Variants in MASP2 observed in about 807,000 individuals in gnomAD.
MASP2 encodes the protein mannan-binding lectin serine protease 2.
In MASP2, 49 loss-of-function variants were observed where a neutral mutation model predicts 57.1. The observed-to-expected ratio is 0.86, with a 90% CI of 0.68 to 1.09. MASP2 has a LOEUF of 1.09. Ranked by LOEUF, MASP2 falls within the 50% of genes least tolerant of loss-of-function variation. The pLI, the probability that MASP2 is intolerant of heterozygous loss-of-function variation, is 0.00. For missense variants in MASP2, 900 were observed against 874.8 expected, an observed-to-expected ratio of 1.03 and a Z score of -0.36; for synonymous variants, 379 against 340.8, an observed-to-expected ratio of 1.11 and a Z score of -1.24.
chr1:11,043,742 G>A (rs1277333383), intron 4 of MASP2, among the ~76,000 whole-genome samples: 5 of 152,102 alleles, frequency 3.3e-5, no homozygotes, highest in African/African-American at 4.8e-5. Context: ...CTGAGGGGCC[G>A]CTTAGAGAGG....
intron 10 of MASP2, chr1:11,029,968 GAATC>G: frequency 2.1e-6 from 1 of 471,836 alleles, no homozygotes; most frequent in Non-Finnish European, 3.7e-6. Flanking sequence ...AGGTCAAAGA[GAATC>G]AAATGACTGA....
At position 11,046,540 on chromosome 1, in the gene MASP2, A is replaced by AC; in HGVS notation, c.412+15dup. 1 of 1,613,538 alleles carries AC rather than the reference A, an allele frequency of 6.2e-7. No homozygotes were observed. The highest frequency in any genetic ancestry group is 8.5e-7 in the Non-Finnish European group (1 of 1,179,944). ...GCTGCGCAGACTGAGATGTTGCAGG[A>AC]CCCCTCTTGGCTCACCCTCGGCTGC... On this transcript the variant is annotated intron_variant, in intron 3 of 10. Transcript: ENST00000400897.
At chr1:11,046,342 C>T (rs1638636933) in intron 3 of MASP2, 2 of 615,934 alleles carry the variant, frequency 3.2e-6, no homozygotes, top group South Asian at 1.9e-5. Flanking sequence ...GCGATGCTGT[C>T]CTCAGATCCC....
Position 11,043,554 on chromosome 1 carries a change from G to A in MASP2, c.545-19C>T, listed in dbSNP as rs1246627305. On this transcript the variant is annotated intron_variant, in intron 4 of 10. Transcript: ENST00000400897. ...CACAGGGCTGGAAGGAGGGAAGGCA[G>A]GGGAGTGACTTGGCGTGCCCTCTAT... 5 of 1,573,840 alleles carry A rather than the reference G, an allele frequency of 3.2e-6. No individual in the cohort carries two copies. The highest frequency in any genetic ancestry group is 1.3e-5 in the African/African-American group (1 of 74,266).
rs1451377760 is a variant in MASP2 at position 11,037,691 on chromosome 1, A to T, written c.1008+2T>A. ...ATCGTGGTGTACTTTGTTTTAACTCACTTGCAGAAGCTCATAGCCAGTCTC... is the reference window on the plus strand; with the variant it reads ...ATCGTGGTGTACTTTGTTTTAACTCTCTTGCAGAAGCTCATAGCCAGTCTC... On this transcript the variant is annotated splice_donor_variant, in intron 7 of 10. Coordinates refer to ENST00000400897, the MANE Select transcript of MASP2 (RefSeq NM_006610.4). LOFTEE classifies it high-confidence loss of function. 1 of 1,594,372 alleles carries T rather than the reference A, an allele frequency of 6.3e-7. No individual in the cohort carries two copies. The highest frequency in any genetic ancestry group is 2.2e-5 in the East Asian group (1 of 44,562).
chr1:11,039,747 G>A (rs1316603869), intron 6 of MASP2, among the ~76,000 whole-genome samples: 4 of 151,228 alleles, frequency 2.6e-5, no homozygotes, highest in Admixed American at 2.6e-4. Flanking sequence ...TGGATGGATG[G>A]ATAGATAGAA....
intron 4 of MASP2, chr1:11,044,799 G>A: frequency 1.3e-6 from 2 of 1,523,148 alleles, no homozygotes; most frequent in Non-Finnish European, 8.8e-7. Context: ...GGCAGCAGGT[G>A]GGGTGGGGCC....
Position 11,047,223 on chromosome 1 carries a change from C to G in MASP2, c.-16G>C. 1 of 1,556,624 alleles carries G rather than the reference C, an allele frequency of 6.4e-7. No homozygotes were observed. The highest frequency in any genetic ancestry group is 1.2e-5 in the South Asian group (1 of 84,864). On this transcript the variant is annotated 5_prime_UTR_variant, in exon 1 of 11. Transcript: ENST00000400897. ...CCTACCTCATGGTGTGCCCGTCCAG[C>G]TGGCCTGGCCTGGTCTGCAGCCCTA... is the stretch of plus-strand genomic sequence containing the variant.
rs1233199622 is a variant in MASP2 at position 11,042,976 on chromosome 1, A to G, written c.788T>C (p.Leu263Ser). 6.2e-7 allele frequency: 1 copy of G among 1,613,950 alleles called. No individual in the cohort carries two copies. The highest frequency in any genetic ancestry group is 1.7e-5 in the Admixed American group (1 of 60,014). Residue 263 changes from leucine to serine, a missense_variant, in exon 6 of 11, where the codon TTG becomes TCG. Coordinates refer to ENST00000400897, the MANE Select transcript of MASP2 (RefSeq NM_006610.4). ...EEHGPFCGKT[L>S]PHRIETKSNT... ...GCTTTTTGTTTCAATCCTGTGGGGC[A>G]ATGTCTTCCCACAGAATGGGCCATG...
rs1289288715 is a variant in MASP2, at chr1:11,032,573, T to TAG, written c.1088-1692_1088-1691insCT. 2.7e-5 allele frequency among the ~76,000 whole-genome samples: 4 copies of TAG among 147,028 alleles called. No homozygotes were observed. The Admixed American group carries it at 2.8e-4, about 10-fold the overall frequency. On this transcript the variant is annotated intron_variant, in intron 8 of 10. Transcript: ENST00000400897. Reference sequence around the variant, plus strand: ...TTTCAGTGAGTCGAGATTGTGCCACTGCACTCCAGCCTGGGTGACAGAATG... The same window carrying TAG: ...TTTCAGTGAGTCGAGATTGTGCCACTAGGCACTCCAGCCTGGGTGACAGAATG...
chr1:11,046,794 C>T, intron 2 of MASP2, 61 bp from the exon 3 acceptor site: 1 of 1,566,978 alleles, frequency 6.4e-7, no homozygotes, highest in Non-Finnish European at 8.7e-7. Context: ...CCCTCCTGGC[C>T]AAGCCTGGCC....
At position 11,027,627 on chromosome 1, in the gene MASP2, G is replaced by A; in HGVS notation, c.1319C>T (p.Thr440Ile). 1 of 1,611,604 alleles carries A rather than the reference G, an allele frequency of 6.2e-7. No homozygotes were observed. Among genetic ancestry groups the A allele is most frequent in the Non-Finnish European group, 8.5e-7 (1 of 1,178,576 alleles). ...CEPVCGLSAR[T>I]TGGRIYGGQK... ...CCCTCCATATATACGCCCTCCTGTT[G>A]TGCGGGCTGATAGTCCACAAACTGG... The change falls in exon 11 of 11, where the codon ACA becomes ATA. Residue 440 changes from threonine to isoleucine, a missense_variant. Coordinates refer to ENST00000400897, the MANE Select transcript of MASP2 (RefSeq NM_006610.4).
chr1:11,037,915 T>C, intron 6 of MASP2, 104 bp from the exon 7 acceptor site: 1 of 595,544 alleles, frequency 1.7e-6, no homozygotes, highest in South Asian at 2.5e-5. Context: ...ACTTAACATG[T>C]AAAGAGAGCT....
At chr1:11,037,590 G>A (rs1199003850) in intron 7 of MASP2, 103 bp downstream of exon 7, 1 of 694,136 alleles carries the variant, frequency 1.4e-6, no homozygotes, top group Non-Finnish European at 2.3e-6. Context: ...AAATCATGCT[G>A]ACACACGATT....
At chr1:11,046,176 C>G in intron 3 of MASP2, 1 of 324,054 alleles carries the variant, frequency 3.1e-6, no homozygotes, top group Non-Finnish European at 6.0e-6. Context: ...CCACGCCCAG[C>G]TAATTTTTGT....
chr1:11,030,653 G>C (rs546067772), intron 9 of MASP2, 95 bp downstream of exon 9: 3 of 1,374,434 alleles, frequency 2.2e-6, no homozygotes, highest in African/African-American at 2.9e-5. Flanking sequence ...CTTTTGTCTA[G>C]CCTTAGCCAA....
At chr1:11,039,882 GGATGGATGGATGGATGGATA>G (rs1232695879) in intron 6 of MASP2, among the ~76,000 whole-genome samples, 1 of 100,036 alleles carries the variant, frequency 1.0e-5, no homozygotes, top group South Asian at 3.3e-4. Context: ...ATGGATGGAT[GGATGGATGGATGGATGGATA>G]GATGGATGGA....
chr1:11,043,183 C>G, intron 5 of MASP2, 156 bp downstream of exon 5: 1 of 980,858 alleles, frequency 1.0e-6, no homozygotes, highest in East Asian at 2.6e-5. Flanking sequence ...CACTTGTACT[C>G]GAAGGCCCCA....
chr1:11,045,366 T>C, intron 4 of MASP2, 42 bp downstream of exon 4: 2 of 1,611,218 alleles, frequency 1.2e-6, no homozygotes, highest in Non-Finnish European at 1.7e-6. Flanking sequence ...GCCCCGGGTA[T>C]CCCAGGAGAG....
Sources: gnomAD v4.1 joint callset for allele counts (sites outside exome capture counted in the v4.1 genomes callset) on GRCh38, gnomAD v4.1.1 for gene constraint, MANE v1.5 for transcripts, NCBI Gene and HGNC (gene_info 2026-07-23, HGNC 2026-07-21) for gene names.